Variants in PRKCH observed in about 807,000 individuals in gnomAD.
PRKCH encodes the protein protein kinase C eta type.
Under a neutral mutation model 82.5 loss-of-function variants are expected in PRKCH, and 28 were observed. That is an observed-to-expected ratio of 0.34 (90% CI 0.25 to 0.47). The LOEUF is 0.47. Among genes scored for constraint, PRKCH ranks in the 20% least tolerant of loss-of-function variants. The probability of loss-of-function intolerance (pLI) is 1.00; values close to 1 mark genes in which losing one functional copy is unlikely to be tolerated. For synonymous variants in PRKCH, 322 were observed against 327.4 expected (o/e 0.98, Z 0.18); for missense variants, 705 against 881.8 (o/e 0.80, Z 2.54).
At position 61,322,378 on chromosome 14, in the gene PRKCH, G is replaced by A; in HGVS notation, c.277G>A (p.Gly93Ser). The change falls in exon 1 of 14, where the codon GGC becomes AGC. Residue 93 changes from glycine (G) to serine (S), a missense_variant. By Grantham distance (56) the Gly-to-Ser change is moderately conservative. Transcript: ENST00000332981. ...ELAVFHETPLGYDHFVANCTL... is the reference protein window; with the variant it reads ...ELAVFHETPLSYDHFVANCTL... ...GGCCGTCTTCCACGAGACGCCCCTG[G>A]GCTACGACCACTTCGTGGCCAACTG... 1 of 1,613,020 alleles carries A rather than the reference G, an allele frequency of 6.2e-7. No homozygotes were observed. Among genetic ancestry groups the A allele is most frequent in the Non-Finnish European group, 8.5e-7 (1 of 1,179,674 alleles).
intron 5 of PRKCH, among the ~76,000 whole-genome samples, chr14:61,449,865 T>C (rs1407276772): frequency 9.6e-6 from 1 of 104,506 alleles, no homozygotes; most frequent in African/African-American, 8.9e-5. Flanking sequence ...TGTCTCTCTC[T>C]CTCTCTCTCT....
chr14:61,350,558 A>G (rs945567191), intron 1 of PRKCH, among the ~76,000 whole-genome samples: 2 of 152,164 alleles, frequency 1.3e-5, no homozygotes, highest in Non-Finnish European at 2.9e-5. Flanking sequence ...AAATTACAAC[A>G]GAGACTCTCT....
intron 1 of PRKCH, among the ~76,000 whole-genome samples, chr14:61,203,733 T>A (rs1016791013): frequency 7.2e-5 from 11 of 152,056 alleles, no homozygotes; most frequent in Non-Finnish European, 1.2e-4. Context: ...CCCAGCACTT[T>A]GGAAGGCTGA....
chr14:61,506,470 C>T (rs1421194784), intron 10 of PRKCH, among the ~76,000 whole-genome samples: 1 of 151,952 alleles, frequency 6.6e-6, no homozygotes, highest in Non-Finnish European at 1.5e-5. Context: ...CAATGCTGGC[C>T]CTCCTGAACC....
chr14:61,221,535 G>T (rs971123501), intron 1 of PRKCH, among the ~76,000 whole-genome samples: 9 of 151,688 alleles, frequency 5.9e-5, no homozygotes, highest in Middle Eastern at 3.4e-3. Context: ...CCTCTTTGTC[G>T]TGACAGCGAT....
chr14:61,509,432 T>C (rs1887283401), intron 10 of PRKCH, among the ~76,000 whole-genome samples: 1 of 152,200 alleles, frequency 6.6e-6, no homozygotes, highest in African/African-American at 2.4e-5. Flanking sequence ...TGCTTTGTGC[T>C]GTTTACCTCT....
intron 1 of PRKCH, among the ~76,000 whole-genome samples, chr14:61,256,954 G>T (rs897685149): frequency 6.6e-6 from 1 of 152,144 alleles, no homozygotes; most frequent in African/African-American, 2.4e-5. Context: ...CCTTCACTGT[G>T]TTTATCTTGG....
At chr14:61,260,632 T>C (rs1222808604) in intron 1 of PRKCH, among the ~76,000 whole-genome samples, 4 of 152,182 alleles carry the variant, frequency 2.6e-5, no homozygotes, top group Non-Finnish European at 4.4e-5. Context: ...ATCCATGTAA[T>C]CTGTAAGAAC....
rs762878496 is a variant in PRKCH, at chr14:61,505,395, C to CTTTTCTTTTT, written c.1433+19743_1433+19744insCTTTTTTTTT. ...TTTGTCTTTTCTTTTCTTTTCTTTTCTTTTTTTTTTTTTTTTTTTTTTTTT... is the reference window on the plus strand; with the variant it reads ...TTTGTCTTTTCTTTTCTTTTCTTTTCTTTTCTTTTTTTTTTTTTTTTTTTTTTTTTTTTTT... On this transcript the variant is annotated intron_variant, in intron 10 of 13. Coordinates refer to ENST00000332981, the MANE Select transcript of PRKCH (RefSeq NM_006255.5). Among the ~76,000 whole-genome samples the CTTTTCTTTTT allele has an allele frequency of 7.2e-5, 4 of 55,766 alleles. 1 individual carries two copies. The East Asian group carries it at 3.1e-3, about 44-fold the overall frequency. 36.6% of individuals were successfully genotyped at this position (55,766 alleles called of 152,430 possible).
At chr14:61,419,036 T>C (rs891145892) in intron 2 of PRKCH, among the ~76,000 whole-genome samples, 1 of 152,218 alleles carries the variant, frequency 6.6e-6, no homozygotes, top group African/African-American at 2.4e-5. Flanking sequence ...AGTAGGAGGC[T>C]TGCCTGCCGT....
intron 1 of PRKCH, among the ~76,000 whole-genome samples, chr14:61,329,254 T>TTTTTTTTTTTTTTG (rs1555375988): frequency 1.8e-4 from 22 of 122,512 alleles, no homozygotes; most frequent in South Asian, 5.5e-4. Context: ...TTTTTTTTTT[T>TTTTTTTTTTTTTTG]GAGACAGAAT....
At chr14:61,449,084 G>A (rs1884364747) in intron 4 of PRKCH, 80 bp from the exon 5 acceptor site, 3 of 1,337,026 alleles carry the variant, frequency 2.2e-6, no homozygotes, top group South Asian at 1.2e-5. Context: ...TTGGCACGGT[G>A]CAGCCCTGGT....
chr14:61,531,570 G>T (rs1017740237), intron 12 of PRKCH, among the ~76,000 whole-genome samples: 8 of 152,190 alleles, frequency 5.3e-5, no homozygotes, highest in Admixed American at 1.3e-4. Context: ...GGGTCACTGT[G>T]TACTGGGGCT....
chr14:61,336,176 C>A (rs1341671536), intron 1 of PRKCH, among the ~76,000 whole-genome samples: 3 of 152,196 alleles, frequency 2.0e-5, no homozygotes, highest in African/African-American at 7.2e-5. Context: ...GGGCCCAGCC[C>A]TTTTCTGAAG....
chr14:61,354,912 G>C (rs779226957), intron 1 of PRKCH, among the ~76,000 whole-genome samples: 1 of 152,146 alleles, frequency 6.6e-6, no homozygotes, highest in South Asian at 2.1e-4. Flanking sequence ...CTCAGTACCT[G>C]GGACATTATG....
chr14:61,296,802 A>G (rs1023122098), intron 1 of PRKCH, among the ~76,000 whole-genome samples: 12 of 152,310 alleles, frequency 7.9e-5, no homozygotes, highest in South Asian at 4.1e-4. Context: ...GAGGAACCCT[A>G]TGTATTATAG....
intron 1 of PRKCH, among the ~76,000 whole-genome samples, chr14:61,245,752 C>A (rs543492102): frequency 1.8e-4 from 28 of 152,310 alleles, no homozygotes; most frequent in Middle Eastern, 3.4e-3. Context: ...CAGAGTCTGG[C>A]ATTAGATTAT....
At chr14:61,410,112 T>A (rs931831855) in intron 2 of PRKCH, among the ~76,000 whole-genome samples, 7 of 152,228 alleles carry the variant, frequency 4.6e-5, no homozygotes, top group Non-Finnish European at 1.0e-4. Flanking sequence ...TTAAAGTGTG[T>A]GTTGACTTTT....
chr14:61,393,970 G>C lies in PRKCH; in HGVS notation c.427+2682G>C, dbSNP rs573825851. Among the ~76,000 whole-genome samples the C allele has an allele frequency of 5.9e-5, 9 of 152,212 alleles. No individual in the cohort carries two copies. In the East Asian group the frequency reaches 1.7e-3, roughly 29 times the overall value. Reference sequence around the variant, plus strand: ...CTAGTTGTTTAAAATATATTTTCCAGGTATTTTAATCTTTTGGTGGGAGGG... The same window carrying C: ...CTAGTTGTTTAAAATATATTTTCCACGTATTTTAATCTTTTGGTGGGAGGG... On this transcript the variant is annotated intron_variant, in intron 2 of 13. Transcript: ENST00000332981.
Sources: gnomAD v4.1 joint callset for allele counts (sites outside exome capture counted in the v4.1 genomes callset) on GRCh38, gnomAD v4.1.1 for gene constraint, MANE v1.5 for transcripts, NCBI Gene and HGNC (gene_info 2026-07-23, HGNC 2026-07-21) for gene names.